STAU1: variants seen among roughly 807,000 people sequenced by gnomAD.
STAU1 encodes staufen double-stranded RNA binding protein 1, also known as double-stranded RNA-binding protein Staufen homolog 1.
STAU1 carries 13 observed loss-of-function variants against 62.9 expected under a neutral mutation model. That is an observed-to-expected ratio of 0.21 (90% CI 0.13 to 0.33). The LOEUF (loss-of-function observed/expected upper bound fraction) is 0.33, where lower values mean the gene tolerates loss of function less well. Ranked by LOEUF, STAU1 falls within the 10% of genes least tolerant of loss-of-function variation. STAU1 has a pLI of 1.00. For synonymous variants in STAU1, 269 were observed against 265.1 expected (o/e 1.01, Z -0.14); for missense variants, 571 against 712.1 (o/e 0.80, Z 2.25).
At chr20:49,174,032 T>G (rs543135905) in intron 2 of STAU1, among the ~76,000 whole-genome samples, 163 bp downstream of exon 2, 4 of 152,344 alleles carry the variant, frequency 2.6e-5, no homozygotes, top group African/African-American at 9.6e-5. Flanking sequence ...GTACTTACTT[T>G]CTAATTAAAT....
the STAU1 span, among the ~76,000 whole-genome samples, chr20:49,198,347 C>T: frequency 2.6e-5 from 4 of 151,486 alleles, no homozygotes; most frequent in Non-Finnish European, 5.9e-5. Flanking sequence ...AACCCTGTCT[C>T]TACTAAAAAT....
At chr20:49,196,159 G>A in the STAU1 span, among the ~76,000 whole-genome samples, 4 of 148,000 alleles carry the variant, frequency 2.7e-5, no homozygotes, top group African/African-American at 9.9e-5. Flanking sequence ...AAAAGAGGCC[G>A]GGCGCGGTGG....
At chr20:49,206,765 T>TTTTTTTTTTTTA in the STAU1 span, among the ~76,000 whole-genome samples, 1 of 130,744 alleles carries the variant, frequency 7.6e-6, no homozygotes, top group African/African-American at 2.9e-5. Context: ...TATTTTATTT[T>TTTTTTTTTTTTA]TTTTTTTTTG....
At chr20:49,120,244 GC>G in intron 8 of STAU1, 116 bp from the exon 9 acceptor site, 1 of 1,215,542 alleles carries the variant, frequency 8.2e-7, no homozygotes, top group Non-Finnish European at 1.1e-6. Context: ...TAACAGCAGT[GC>G]CCCGAACCTG....
chr20:49,208,443 TCTGC>T, the STAU1 span, among the ~76,000 whole-genome samples: 1 of 151,998 alleles, frequency 6.6e-6, no homozygotes, highest in Non-Finnish European at 1.5e-5. Context: ...CCTCAAGTGA[TCTGC>T]CTGCCTTGGC....
At chr20:49,163,419 CTTTTTTTTTTTT>C (rs200864480) in intron 3 of STAU1, among the ~76,000 whole-genome samples, 16 of 82,424 alleles carry the variant, frequency 1.9e-4, no homozygotes, top group African/African-American at 5.2e-4. Flanking sequence ...GTGTTTAAAC[CTTTTTTTTTTTT>C]TTTTTTTTTT....
intron 2 of STAU1, among the ~76,000 whole-genome samples, chr20:49,172,855 A>C (rs1037142831): frequency 1.6e-4 from 25 of 152,046 alleles, no homozygotes; most frequent in Non-Finnish European, 3.4e-4. Flanking sequence ...TCAAAACACT[A>C]AAGGAATCCT....
chr20:49,122,068 C>G (rs939651865), intron 8 of STAU1, among the ~76,000 whole-genome samples: 2 of 152,180 alleles, frequency 1.3e-5, no homozygotes, highest in African/African-American at 4.8e-5. Context: ...CTTCTGACTG[C>G]ATAGGTAAAA....
chr20:49,201,598 C>T, the STAU1 span, among the ~76,000 whole-genome samples: 221 of 151,964 alleles, frequency 1.5e-3, 2 homozygotes, highest in Non-Finnish European at 1.8e-3. Context: ...AAAAATTAGC[C>T]GGGCGTTGTG....
At chr20:49,127,666 A>G (rs1001391890) in intron 6 of STAU1, among the ~76,000 whole-genome samples, 4 of 152,152 alleles carry the variant, frequency 2.6e-5, no homozygotes, top group Non-Finnish European at 4.4e-5. Flanking sequence ...AGATCGCGCC[A>G]TTGCATTCCA....
chr20:49,215,776 G>T, the STAU1 span, among the ~76,000 whole-genome samples: 1 of 152,064 alleles, frequency 6.6e-6, no homozygotes, highest in African/African-American at 2.4e-5. Flanking sequence ...GGAGGCTGAG[G>T]TGGGTGGATT....
At chr20:49,118,926 T>C (rs2092398594) in intron 9 of STAU1, among the ~76,000 whole-genome samples, 2 of 152,340 alleles carry the variant, frequency 1.3e-5, no homozygotes, top group African/African-American at 4.8e-5. Context: ...AAGGACACTC[T>C]GAATGTCCTA....
the STAU1 span, among the ~76,000 whole-genome samples, chr20:49,197,406 CTTT>C: frequency 2.2e-5 from 3 of 139,364 alleles, no homozygotes; most frequent in Non-Finnish European, 1.5e-5. Flanking sequence ...TTTTTCTTTT[CTTT>C]TTTTTTTTTT....
At chr20:49,184,489 G>A (rs2093763956) in intron 1 of STAU1, among the ~76,000 whole-genome samples, 1 of 152,078 alleles carries the variant, frequency 6.6e-6, no homozygotes, top group Non-Finnish European at 1.5e-5. Flanking sequence ...AGAGTACCCA[G>A]AGAAAACCCA....
intron 1 of STAU1, among the ~76,000 whole-genome samples, chr20:49,178,347 C>T (rs773041869): frequency 2.1e-4 from 32 of 152,326 alleles, no homozygotes; most frequent in South Asian, 6.2e-4. Flanking sequence ...GGCACCGTGG[C>T]TCAGGCCTGT....
chr20:49,143,037 G>A (rs348283), intron 5 of STAU1, among the ~76,000 whole-genome samples: 18,762 of 152,042 alleles, frequency 0.12, 1,833 homozygotes, highest in African/African-American at 0.28. Context: ...CTAGGCTCAA[G>A]TGATCCTCCC....
At chr20:49,183,873 T>C (rs531251135) in intron 1 of STAU1, among the ~76,000 whole-genome samples, 2 of 152,058 alleles carry the variant, frequency 1.3e-5, no homozygotes, top group South Asian at 4.2e-4. Flanking sequence ...ACCAAACTTT[T>C]AAATAAAGAC....
the STAU1 span, among the ~76,000 whole-genome samples, chr20:49,194,557 G>A: frequency 1.3e-5 from 2 of 152,006 alleles, no homozygotes; most frequent in Non-Finnish European, 1.5e-5. Context: ...CCAGGAGTTC[G>A]AGGCTGCAGA....
chr20:49,210,235 T>C, the STAU1 span, among the ~76,000 whole-genome samples: 2 of 152,106 alleles, frequency 1.3e-5, no homozygotes, highest in Non-Finnish European at 2.9e-5. Flanking sequence ...TCCTTTTGCA[T>C]AGTTTTCTGC....
Sources: allele counts gnomAD v4.1 joint callset (sites outside exome capture counted in the v4.1 genomes callset), GRCh38; gene constraint gnomAD v4.1.1; transcripts MANE v1.5; gene names NCBI Gene and HGNC (gene_info 2026-07-23, HGNC 2026-07-21).